Variants in NFIX observed in about 807,000 individuals in gnomAD.
The protein encoded by NFIX is nuclear factor I X, also known as nuclear factor 1 X-type.
A neutral mutation model predicts 53.3 loss-of-function variants in NFIX; 2 were observed. That is an observed-to-expected ratio of 0.04 (90% CI 0.02 to 0.12). NFIX has a LOEUF of 0.12. Among genes scored for constraint, NFIX ranks in the 10% least tolerant of loss-of-function variants. The pLI is 1.00. For missense variants in NFIX, 310 were observed against 674.5 expected, an observed-to-expected ratio of 0.46 and a Z score of 5.99; for synonymous variants, 244 against 289.0, an observed-to-expected ratio of 0.84 and a Z score of 1.58.
rs970982119 is a variant in NFIX, at chr19:13,014,916, A to C, written c.28-10105A>C. On this transcript the variant is annotated intron_variant, in intron 1 of 10. Coordinates refer to ENST00000592199, the MANE Select transcript of NFIX (RefSeq NM_001365902.3). This position sits in a 1 kb window ranked among gnomAD's most constrained non-coding sequence, Gnocchi z 4.4. ...AGGTGGCTGCGGTGGCCCTTCCGCC[A>C]GGTGTGGGGTAGACCGCTTAGAAGG... Among the ~76,000 whole-genome samples, 11 of 152,186 alleles carry C rather than the reference A, an allele frequency of 7.2e-5. No homozygotes were observed. The highest frequency in any genetic ancestry group is 1.3e-4 in the Non-Finnish European group (9 of 68,026).
chr19:13,025,315 C>T lies in NFIX; in HGVS notation c.322C>T (p.Pro108Ser). 6.2e-7 allele frequency: 1 copy of T among 1,614,090 alleles called. No individual in the cohort carries two copies. The highest frequency in any genetic ancestry group is 1.1e-5 in the South Asian group (1 of 91,078). The change falls in exon 2 of 11, where the codon CCC becomes TCC. Residue 108 changes from proline to serine, a missense_variant. Transcript: ENST00000592199. The surrounding 1 kb of genome is among the most constrained non-coding windows in gnomAD (Gnocchi z 7.5). ...KKPPCCVLSN[P>S]DQKGKIRRID... ...GCCCCCCTGCTGCGTGCTCTCCAAC[C>T]CCGACCAGAAGGGCAAGATCCGGCG...
rs1286167532 is a variant in NFIX at position 13,060,491 on chromosome 19, C to T, written c.560-12556C>T. Among the ~76,000 whole-genome samples, 1 of 152,236 alleles carries T rather than the reference C, an allele frequency of 6.6e-6. No individual in the cohort carries two copies. Among genetic ancestry groups the T allele is most frequent in the Non-Finnish European group, 1.5e-5 (1 of 68,038 alleles). On this transcript the variant is annotated intron_variant, in intron 2 of 10. Coordinates refer to ENST00000592199, the MANE Select transcript of NFIX (RefSeq NM_001365902.3). The surrounding 1 kb of genome is among the most constrained non-coding windows in gnomAD (Gnocchi z 4.3). ...AACTTTGTGGGGCGCCTGCTGTGTG[C>T]AGAATCTACCCCGAAACCTATAGCT...
In NFIX at chr19:13,073,091, A is replaced by T; in HGVS notation, c.604A>T (p.Ile202Phe). 1 of 1,613,994 alleles carries T rather than the reference A, an allele frequency of 6.2e-7. No homozygotes were observed. Among genetic ancestry groups the T allele is most frequent in the Non-Finnish European group, 8.5e-7 (1 of 1,179,872 alleles). The change falls in exon 3 of 11, where the codon ATC becomes TTC. Residue 202 changes from isoleucine to phenylalanine, a missense_variant. By Grantham distance (21) the Ile-to-Phe change is conservative (BLOSUM62 0). This residue lies in a region of NFIX where 164 missense variants were observed against 284.4 expected (regional missense o/e 0.58). Coordinates refer to ENST00000592199, the MANE Select transcript of NFIX (RefSeq NM_001365902.3). This position sits in a 1 kb window ranked among gnomAD's most constrained non-coding sequence, Gnocchi z 4.5. ...DSSNQQGDAD[I>F]KPLPNGHLSF... ...TTCAAACCAGCAAGGAGATGCGGAC[A>T]TCAAACCACTGCCCAACGGTCAGTG... is the stretch of plus-strand genomic sequence containing the variant.
Position 13,013,814 on chromosome 19 carries a change from G to T in NFIX, c.28-11207G>T, listed in dbSNP as rs909450080. The T allele has an allele frequency of 2.6e-5, 4 of 152,148 alleles. No homozygotes were observed. The highest frequency in any genetic ancestry group is 7.2e-5 in the African/African-American group (3 of 41,422). 9.4% of individuals were successfully genotyped at this position (152,148 alleles called of 1,614,324 possible). A position where few individuals can be genotyped will look rare whatever the true frequency, so the allele number is the denominator to read the frequency against. On this transcript the variant is annotated intron_variant, in intron 1 of 10. Coordinates refer to ENST00000592199, the MANE Select transcript of NFIX (RefSeq NM_001365902.3). This position sits in a 1 kb window ranked among gnomAD's most constrained non-coding sequence, Gnocchi z 5.9. ...TCGCCTGTCCCGCGACTGAGCTTGC[G>T]GTCGCCCCGATTCTCTAGTAGACCC... is the stretch of plus-strand genomic sequence containing the variant.
At chr19:13,010,206 C>A (rs1189513216) in intron 1 of NFIX, among the ~76,000 whole-genome samples, 2 of 152,196 alleles carry the variant, frequency 1.3e-5, no homozygotes, top group Admixed American at 6.5e-5. Context: ...GGCGGGCGGC[C>A]GGCCCTGCCC....
At position 13,088,725 on chromosome 19, in the gene NFIX, C is replaced by A. The variant is rs987722848; in HGVS notation, c.1402+589C>A. Among the ~76,000 whole-genome samples, 4 of 151,942 alleles carry A rather than the reference C, an allele frequency of 2.6e-5. No individual in the cohort carries two copies. The highest frequency in any genetic ancestry group is 6.5e-5 in the Admixed American group (1 of 15,272). ...CGTTGTTCCTCTTTTTTTTTCCCCC[C>A]CTTCCATCCCTCTCCCGTCCCTTCT... On this transcript the variant is annotated intron_variant, in intron 9 of 10. Transcript: ENST00000592199. The surrounding 1 kb of genome is among the most constrained non-coding windows in gnomAD (Gnocchi z 5.9).
chr19:13,093,472 C>A lies in NFIX; in HGVS notation c.1495-1163C>A, dbSNP rs537520898. ...AGGCAGGGCACAGGCATTCTGGCCA[C>A]CACAGACCCTGCTTCCTCGTGCTCG... On this transcript the variant is annotated intron_variant, in intron 10 of 10. Transcript: ENST00000592199. The surrounding 1 kb of genome is among the most constrained non-coding windows in gnomAD (Gnocchi z 4.7). Among the ~76,000 whole-genome samples the A allele has an allele frequency of 6.6e-6, 1 of 152,314 alleles. No individual in the cohort carries two copies. Among genetic ancestry groups the A allele is most frequent in the South Asian group, 2.1e-4 (1 of 4,832 alleles).
intron 2 of NFIX, among the ~76,000 whole-genome samples, chr19:13,065,943 C>T (rs767864354): frequency 1.3e-5 from 2 of 152,142 alleles, no homozygotes; most frequent in Non-Finnish European, 2.9e-5. Context: ...TTAGGAACAC[C>T]TTTCTCATTA....
At chr19:13,031,689 G>T (rs1179130334) in intron 2 of NFIX, among the ~76,000 whole-genome samples, 2 of 152,202 alleles carry the variant, frequency 1.3e-5, no homozygotes, top group African/African-American at 4.8e-5. Flanking sequence ...CATGCTGGAG[G>T]GGAGGGAAAG....
chr19:13,010,323 C>T (rs1358825277), intron 1 of NFIX, among the ~76,000 whole-genome samples: 1 of 152,240 alleles, frequency 6.6e-6, no homozygotes, highest in Non-Finnish European at 1.5e-5. Context: ...ACCCCCTGGC[C>T]CTGCGGCCCC....
At chr19:13,057,990 G>A (rs1413335505) in intron 2 of NFIX, among the ~76,000 whole-genome samples, 1 of 152,140 alleles carries the variant, frequency 6.6e-6, no homozygotes. Context: ...TGGAGGGCTG[G>A]GGAGAGAGGC....
intron 8 of NFIX, among the ~76,000 whole-genome samples, chr19:13,085,517 C>A (rs1014140758): frequency 6.6e-6 from 1 of 152,196 alleles, no homozygotes; most frequent in Non-Finnish European, 1.5e-5. Context: ...GGGGAGGCGT[C>A]GCATCACCTT....
At chr19:13,029,816 T>C (rs554257884) in intron 2 of NFIX, among the ~76,000 whole-genome samples, 1 of 152,296 alleles carries the variant, frequency 6.6e-6, no homozygotes, top group Admixed American at 6.5e-5. Context: ...GGCACTCTAG[T>C]TTAGGGTTTG....
intron 8 of NFIX, among the ~76,000 whole-genome samples, chr19:13,084,785 G>A (rs2017675879): frequency 6.6e-6 from 1 of 152,034 alleles, no homozygotes; most frequent in African/African-American, 2.4e-5. Flanking sequence ...AAAGTGAGGA[G>A]CTGGTCGGGC....
intron 2 of NFIX, among the ~76,000 whole-genome samples, chr19:13,039,426 A>G (rs1351258000): frequency 6.6e-6 from 1 of 152,162 alleles, no homozygotes; most frequent in Admixed American, 6.5e-5. Context: ...GGCCTCTTGA[A>G]TTGTGTTCCT....
intron 6 of NFIX, among the ~76,000 whole-genome samples, chr19:13,077,311 A>G (rs1435927000): frequency 3.3e-5 from 5 of 152,154 alleles, no homozygotes; most frequent in African/African-American, 4.8e-5. Flanking sequence ...CAGTCCTGCC[A>G]CGCACGGCCC....
At chr19:13,017,898 C>T (rs945435679) in intron 1 of NFIX, among the ~76,000 whole-genome samples, 1 of 152,198 alleles carries the variant, frequency 6.6e-6, no homozygotes, top group African/African-American at 2.4e-5. Flanking sequence ...TGACACTTCC[C>T]AAGCCGGTTA....
chr19:13,041,854 C>G (rs557390821), intron 2 of NFIX, among the ~76,000 whole-genome samples: 11 of 150,724 alleles, frequency 7.3e-5, no homozygotes, highest in African/African-American at 2.2e-4. Context: ...TTTTCAAAAT[C>G]TAATTTTTAG....
At chr19:13,062,290 A>G (rs529682522) in intron 2 of NFIX, among the ~76,000 whole-genome samples, 4 of 152,202 alleles carry the variant, frequency 2.6e-5, no homozygotes, top group Non-Finnish European at 5.9e-5. Flanking sequence ...TTCACTGGAC[A>G]TGAGTGTCGG....
Sources: gnomAD v4.1 joint callset for allele counts (sites outside exome capture counted in the v4.1 genomes callset) on GRCh38, gnomAD v4.1.1 for gene constraint, gnomAD v4.1.1 regional missense constraint, Gnocchi (gnomAD v3.1) non-coding constraint, MANE v1.5 for transcripts, NCBI Gene and HGNC (gene_info 2026-07-23, HGNC 2026-07-21) for gene names.